Variants in STXBP2 observed in about 807,000 individuals in gnomAD.
STXBP2 encodes syntaxin binding protein 2.
A neutral mutation model predicts 72.2 loss-of-function variants in STXBP2; 47 were observed. That is an observed-to-expected ratio of 0.65 (90% confidence interval 0.51 to 0.83). STXBP2 has a LOEUF of 0.83. Ranked by LOEUF, STXBP2 falls within the 40% of genes least tolerant of loss-of-function variation. STXBP2 has a pLI of 0.00. For synonymous variants in STXBP2, 367 were observed against 338.7 expected, an observed-to-expected ratio of 1.08 and a Z score of -0.92; for missense variants, 702 against 807.6, an observed-to-expected ratio of 0.87 and a Z score of 1.58.
Position 7,643,150 on chromosome 19 carries a change from C to T in STXBP2, c.1027-15C>T, listed in dbSNP as rs369566418. 2 of 1,614,148 alleles carry T rather than the reference C, an allele frequency of 1.2e-6. No individual in the cohort carries two copies. Among genetic ancestry groups the T allele is most frequent in the Non-Finnish European group, 1.7e-6 (2 of 1,179,998 alleles). ...AGCCTTTGTTATCCCCCAACCCCCA[C>T]CCTGCACCCTGCAGTATTCTACGCA... On this transcript the variant is annotated splice_polypyrimidine_tract_variant and intron_variant, in intron 12 of 18. Coordinates refer to ENST00000221283, the MANE Select transcript of STXBP2 (RefSeq NM_006949.4).
chr19:7,632,398 A>AC (rs1568458671), upstream of STXBP2: 1 of 1,613,408 alleles, frequency 6.2e-7, no homozygotes, highest in Admixed American at 1.7e-5. This position sits in a 1 kb window ranked among gnomAD's most constrained non-coding sequence, Gnocchi z 5.2. Flanking sequence ...CCTACCTTGG[A>AC]CCCCACGGGC....
chr19:7,630,237 C>G, the STXBP2 span: 4 of 450,086 alleles, frequency 8.9e-6, no homozygotes, highest in Non-Finnish European at 1.6e-5. Context: ...AGTGACGCCT[C>G]CTGGGTTTGG....
chr19:7,631,928 C>T (rs372431993), upstream of STXBP2: 23 of 1,033,964 alleles, frequency 2.2e-5, no homozygotes, highest in East Asian at 2.3e-4. Flanking sequence ...GAGCACTGGT[C>T]TATGTTTACC....
At chr19:7,646,193 T>C (rs1394718836) in intron 15 of STXBP2, 56 bp from the exon 16 acceptor site, 1 of 1,494,070 alleles carries the variant, frequency 6.7e-7, no homozygotes, top group East Asian at 2.4e-5. Flanking sequence ...GCAGCCCCTC[T>C]GTGACCAGCC....
chr19:7,634,297 C>T (rs1007029323), upstream of STXBP2, among the ~76,000 whole-genome samples: 1 of 152,168 alleles, frequency 6.6e-6, no homozygotes, highest in Admixed American at 6.5e-5. Flanking sequence ...TCCCCATCCC[C>T]TTCCCTTCCC....
intron 4 of STXBP2, chr19:7,640,320 G>A (rs1223172012): frequency 1.8e-6 from 1 of 562,748 alleles, no homozygotes; most frequent in South Asian, 1.6e-5. Flanking sequence ...GTGCATCTGT[G>A]TGTGCGTGTG....
rs773258559 is a variant in STXBP2 at position 7,640,425 on chromosome 19, C to T, written c.247-306C>T. On this transcript the variant is annotated intron_variant, in intron 4 of 18. Coordinates refer to ENST00000221283, the MANE Select transcript of STXBP2 (RefSeq NM_006949.4). ...ATATGTGTGTATGTATGTGTGCGCG[C>T]GCATCTGTGTGTGTGCATGTGTGTA... The T allele has an allele frequency of 2.3e-4, 130 of 564,572 alleles. 2 individuals carry two copies. Among genetic ancestry groups the T allele is most frequent in the Admixed American group, 1.7e-3 (66 of 37,866 alleles). 35.0% of individuals were successfully genotyped at this position (564,572 alleles called of 1,614,324 possible).
At chr19:7,630,795 G>A in the STXBP2 span, 1,182 of 1,537,206 alleles carry the variant, frequency 7.7e-4, 10 homozygotes, top group African/African-American at 0.013. Flanking sequence ...CCTTTGGCTC[G>A]TGTCCCATTT....
Position 7,638,330 on chromosome 19 carries a change from C to T in STXBP2, c.38-396C>T, listed in dbSNP as rs181001205. 1.4e-4 allele frequency among the ~76,000 whole-genome samples: 21 copies of T among 152,284 alleles called. No homozygotes were observed. The East Asian group carries it at 2.5e-3, about 18-fold the overall frequency. On this transcript the variant is annotated intron_variant, in intron 1 of 18. Transcript: ENST00000221283. Reference sequence around the variant, plus strand: ...GGCTAAAAATAAATGATTCCTGTGCCGTGTCTCACACCTGTAATCCCAGCA... The same window carrying T: ...GGCTAAAAATAAATGATTCCTGTGCTGTGTCTCACACCTGTAATCCCAGCA...
In STXBP2 at chr19:7,646,190, C is replaced by A. The variant is rs745467358; in HGVS notation, c.1357-59C>A. The A allele has an allele frequency of 1.3e-5, 19 of 1,476,644 alleles. No individual in the cohort carries two copies. In the African/African-American group the frequency reaches 2.4e-4, roughly 18 times the overall value. The allele number at this position is 1,476,644 out of a possible 1,614,324, so 91.5% of individuals were successfully genotyped here. On this transcript the variant is annotated intron_variant, in intron 15 of 18. Transcript: ENST00000221283. ...CTACCAGCCACACCAGGCGCAGCCCCTCTGTGACCAGCCTCCTTCCCCTCA... is the reference window on the plus strand; with the variant it reads ...CTACCAGCCACACCAGGCGCAGCCCATCTGTGACCAGCCTCCTTCCCCTCA...
At position 7,642,624 on chromosome 19, in the gene STXBP2, T is replaced by C. The variant is rs2031939813; in HGVS notation, c.902+88T>C. 1 of 1,541,684 alleles carries C rather than the reference T, an allele frequency of 6.5e-7. No individual in the cohort carries two copies. Among genetic ancestry groups the C allele is most frequent in the Admixed American group, 1.7e-5 (1 of 59,210 alleles). ...GGGATCCCTGGCTGCTGCCAAGTCT[T>C]TGGCCCTCATGAGCACCCCTCGTGT... On this transcript the variant is annotated intron_variant, in intron 10 of 18. Transcript: ENST00000221283. The surrounding 1 kb of genome is among the most constrained non-coding windows in gnomAD (Gnocchi z 6.0).
In STXBP2 at chr19:7,643,729, G is replaced by A. The variant is rs111405476; in HGVS notation, c.1107+484G>A. 3.0e-3 allele frequency among the ~76,000 whole-genome samples: 458 copies of A among 151,758 alleles called. 3 individuals are homozygous for A. The highest frequency in any genetic ancestry group is 0.01 in the African/African-American group (433 of 41,324). On this transcript the variant is annotated intron_variant, in intron 13 of 18. Coordinates refer to ENST00000221283, the MANE Select transcript of STXBP2 (RefSeq NM_006949.4). ...AGCCTTGGAGAGGTGGGACCTGGGTGAGGGGCGGAGCCTTGGAGAGGTGGG... is the reference window on the plus strand; with the variant it reads ...AGCCTTGGAGAGGTGGGACCTGGGTAAGGGGCGGAGCCTTGGAGAGGTGGG...
rs532380776 is a variant in STXBP2 at position 7,639,766 on chromosome 19, C to G, written c.205C>G (p.Pro69Ala). ...EDINKRREPIPSLEAIYLLSP... is the reference protein window; with the variant it reads ...EDINKRREPIASLEAIYLLSP... ...CATCAACAAACGGCGGGAACCCATTCCCAGTCTGGAGGCCATTTATTTGCT... is the reference window on the plus strand; with the variant it reads ...CATCAACAAACGGCGGGAACCCATTGCCAGTCTGGAGGCCATTTATTTGCT... The change falls in exon 4 of 19, where the codon CCC becomes GCC. Residue 69 changes from proline (P) to alanine (A), a missense_variant. By Grantham distance (27) the Pro-to-Ala change is conservative. Transcript: ENST00000221283. 25 of 1,613,796 alleles carry G rather than the reference C, an allele frequency of 1.5e-5. No homozygotes were observed. The highest frequency in any genetic ancestry group is 5.0e-5 in the Admixed American group (3 of 60,008).
upstream of STXBP2, chr19:7,633,443 C>T (rs989138797): frequency 3.0e-5 from 47 of 1,577,450 alleles, no homozygotes; most frequent in Admixed American, 6.6e-4. Flanking sequence ...CCGTCTTCTC[C>T]TCCTGATCCA....
chr19:7,646,581 G>A lies in STXBP2; in HGVS notation c.1452+237G>A, dbSNP rs1024464562. 9.5e-5 allele frequency: 58 copies of A among 607,594 alleles called. No individual in the cohort carries two copies. The Admixed American group carries it at 9.9e-4, about 10-fold the overall frequency. 37.6% of individuals were successfully genotyped at this position (607,594 alleles called of 1,614,324 possible). On this transcript the variant is annotated intron_variant, in intron 16 of 18. Transcript: ENST00000221283. ...TCCTCCCCACCTGCCGGCTGCCTCC[G>A]CTATATCTCTCTAGTCTGTTCCCCT...
chr19:7,641,520 G>C (rs542863069), intron 6 of STXBP2, among the ~76,000 whole-genome samples, 185 bp from the exon 7 acceptor site: 3 of 152,272 alleles, frequency 2.0e-5, no homozygotes, highest in Non-Finnish European at 2.9e-5. Context: ...ACACGGGCTG[G>C]GGTATTTATC....
At chr19:7,632,666 C>G (rs777619396), upstream of STXBP2, 1 of 1,553,998 alleles carries the variant, frequency 6.4e-7, no homozygotes, top group Admixed American at 1.9e-5. The surrounding 1 kb of genome is among the most constrained non-coding windows in gnomAD (Gnocchi z 5.2). Flanking sequence ...TTGCCCTGCA[C>G]TCCCACCCCG....
At chr19:7,632,503 G>T, upstream of STXBP2, 7 of 1,613,402 alleles carry the variant, frequency 4.3e-6, no homozygotes, top group Non-Finnish European at 5.9e-6. The surrounding 1 kb of genome is among the most constrained non-coding windows in gnomAD (Gnocchi z 5.2). Context: ...TCCATCTCGG[G>T]GGTGGGGTCG....
chr19:7,631,732 A>C, the STXBP2 span: 3 of 1,445,082 alleles, frequency 2.1e-6, no homozygotes, highest in Non-Finnish European at 9.1e-7. Context: ...GTTCCGACGG[A>C]AGCCGAGAGC....
Sources: allele counts gnomAD v4.1 joint callset (sites outside exome capture counted in the v4.1 genomes callset), GRCh38; gene constraint gnomAD v4.1.1; non-coding constraint Gnocchi (gnomAD v3.1); transcripts MANE v1.5; gene names NCBI Gene and HGNC (gene_info 2026-07-23, HGNC 2026-07-21).